FLCN: variants seen among roughly 807,000 people sequenced by gnomAD.
The protein encoded by FLCN is folliculin.
FLCN carries 22 observed loss-of-function variants against 62.5 expected under a neutral mutation model. The observed-to-expected ratio is 0.35, with a 90% CI of 0.25 to 0.50. The LOEUF is 0.50. FLCN is among the 20% of genes least tolerant of loss of function. FLCN has a pLI of 0.97. For missense variants in FLCN, 657 were observed against 778.0 expected (o/e 0.84, Z 1.85); for synonymous variants, 319 against 310.0 (o/e 1.03, Z -0.30).
chr17:17,219,306 T>C, intron 8 of FLCN, 97 bp from the exon 9 acceptor site: 12 of 1,370,528 alleles, frequency 8.8e-6, no homozygotes, highest in Non-Finnish European at 1.2e-5. Flanking sequence ...TCAGTGTAGA[T>C]TCCTGGCTGC....
rs1200225874 is a variant in FLCN at position 17,231,809 on chromosome 17, T to C, written c.-40A>G. 1 of 152,406 alleles carries C rather than the reference T, an allele frequency of 6.6e-6. No homozygotes were observed. The highest frequency in any genetic ancestry group is 2.4e-5 in the African/African-American group (1 of 41,474). 9.4% of individuals were successfully genotyped at this position (152,406 alleles called of 1,614,324 possible). A position where few individuals can be genotyped will look rare whatever the true frequency, so the allele number is the denominator to read the frequency against. On this transcript the variant is annotated 5_prime_UTR_variant, in exon 3 of 14. Transcript: ENST00000285071. ...CACCACCCACCTGACGTTTCTGCAG[T>C]TGGCTGCTTAGCTGCACGAGCTGCT...
chr17:17,217,411 A>G, intron 9 of FLCN: 1 of 588,456 alleles, frequency 1.7e-6, no homozygotes, highest in African/African-American at 1.9e-5. Flanking sequence ...TTGCTCCAAG[A>G]TCTTTCTCCC....
chr17:17,216,364 C>A lies in FLCN; in HGVS notation c.1300+16G>T, dbSNP rs765987161. On this transcript the variant is annotated intron_variant, in intron 11 of 13. Transcript: ENST00000285071. This position sits in a 1 kb window ranked among gnomAD's most constrained non-coding sequence, Gnocchi z 4.0. ...TCAGCGCAGGGCATGGCCCCACAGC[C>A]CGCGGGGGCACGCACCTGAGGAGAG... 1 of 1,613,044 alleles carries A rather than the reference C, an allele frequency of 6.2e-7. No homozygotes were observed. Among genetic ancestry groups the A allele is most frequent in the Non-Finnish European group, 8.5e-7 (1 of 1,179,564 alleles).
chr17:17,213,658 G>C lies in FLCN; in HGVS notation c.1737C>G (p.Asn579Lys), dbSNP rs767345167. The C allele has an allele frequency of 6.2e-7, 1 of 1,614,176 alleles. No homozygotes were observed. Among genetic ancestry groups the C allele is most frequent in the Non-Finnish European group, 8.5e-7 (1 of 1,180,038 alleles). ...TTAGGCAGGTGTGTGTGACGGGTCA[G>C]TTCCGAGACTCCGAGGCTGTGGGGC... ...VRSPTASESR[N>K] Residue 579 changes from asparagine (N) to lysine (K), a missense_variant, in exon 14 of 14, where the codon AAC becomes AAG. Coordinates refer to ENST00000285071, the MANE Select transcript of FLCN (RefSeq NM_144997.7).
Position 17,216,537 on chromosome 17 carries a change from C to T in FLCN, c.1177-34G>A, listed in dbSNP as rs375925448. 40 of 1,612,528 alleles carry T rather than the reference C, an allele frequency of 2.5e-5. No individual in the cohort carries two copies. Among genetic ancestry groups the T allele is most frequent in the South Asian group, 4.4e-5 (4 of 90,988 alleles). Reference sequence around the variant, plus strand: ...GACAGCAGGACTCAGACCAAGGACACGAGGAAGCCCTCAGCCCCGGCCATC... The same window carrying T: ...GACAGCAGGACTCAGACCAAGGACATGAGGAAGCCCTCAGCCCCGGCCATC... On this transcript the variant is annotated intron_variant, in intron 10 of 13. Transcript: ENST00000285071. The surrounding 1 kb of genome is among the most constrained non-coding windows in gnomAD (Gnocchi z 4.0).
At chr17:17,227,309 G>A (rs897408132) in intron 4 of FLCN, among the ~76,000 whole-genome samples, 2 of 152,052 alleles carry the variant, frequency 1.3e-5, no homozygotes, top group Non-Finnish European at 2.9e-5. Flanking sequence ...GGGGTCCTGG[G>A]AGCAGGAAAC....
Position 17,221,530 on chromosome 17 carries a change from G to T in FLCN, c.871+7C>A, listed in dbSNP as rs2047088360. On this transcript the variant is annotated splice_region_variant and intron_variant, in intron 8 of 13. Transcript: ENST00000285071. ...CCAAGGCCCCGGCAACAGCACCCCT[G>T]CCTCACCAGCGAGCTTCTCCATCTG... The T allele has an allele frequency of 6.2e-7, 1 of 1,613,500 alleles. No individual in the cohort carries two copies. Among genetic ancestry groups the T allele is most frequent in the Non-Finnish European group, 8.5e-7 (1 of 1,180,022 alleles).
rs1060504594 is a variant in FLCN, at chr17:17,219,130, T to G, written c.951A>C (p.Thr317=). Residue 317 remains threonine, a synonymous_variant, in exon 9 of 14, where the codon ACA becomes ACC. Transcript: ENST00000285071. ...GGCCCTGGGTCAGCTCCCGCCCTTCTGTACTCTCTGGCAACACAGGGGCTT... is the reference window on the plus strand; with the variant it reads ...GGCCCTGGGTCAGCTCCCGCCCTTCGGTACTCTCTGGCAACACAGGGGCTT... ...EEKAPVLPES[T]EGRELTQGPA... 9 of 1,614,222 alleles carry G rather than the reference T, an allele frequency of 5.6e-6. No homozygotes were observed. The highest frequency in any genetic ancestry group is 1.3e-5 in the African/African-American group (1 of 75,068).
upstream of FLCN, chr17:17,237,177 G>C (rs1041554486): frequency 1.3e-5 from 2 of 152,270 alleles, no homozygotes; most frequent in African/African-American, 2.4e-5. Flanking sequence ...CCGACACCCA[G>C]GCGCGTGACT....
At chr17:17,229,344 G>A (rs765764511) in intron 3 of FLCN, 4 of 152,282 alleles carry the variant, frequency 2.6e-5, no homozygotes, top group African/African-American at 4.8e-5. Flanking sequence ...AGCAAGGTGG[G>A]ACTGGAATGT....
intron 6 of FLCN, 111 bp from the exon 7 acceptor site, chr17:17,222,772 C>CT: frequency 7.9e-7 from 1 of 1,263,930 alleles, no homozygotes; most frequent in East Asian, 2.4e-5. Context: ...ATCAGTCCCA[C>CT]TATACTCTCT....
chr17:17,227,887 G>A lies in FLCN; in HGVS notation c.249+2C>T, dbSNP rs939223011. The A allele has an allele frequency of 3.7e-6, 6 of 1,613,986 alleles. No homozygotes were observed. In the Admixed American group the frequency reaches 6.7e-5, roughly 18 times the overall value. ...CAAAACCAAGACCCCAAAGACACTT[G>A]CCTCGCACATGTCCGACTTTTTGGG... is the stretch of plus-strand genomic sequence containing the variant. On this transcript the variant is annotated splice_donor_variant, in intron 4 of 13. Transcript: ENST00000285071. LOFTEE classifies it low-confidence loss of function (GC_TO_GT_DONOR).
chr17:17,221,617 G>A lies in FLCN; in HGVS notation c.791C>T (p.Ala264Val), dbSNP rs372304384. 28 of 1,607,828 alleles carry A rather than the reference G, an allele frequency of 1.7e-5. No individual in the cohort carries two copies. Among genetic ancestry groups the A allele is most frequent in the South Asian group, 4.4e-5 (4 of 91,080 alleles). ...CTTCTCGGTCAGCCGGCTGCCACAC[G>A]CCTTCAGGAGCCTGGAGAACACAGC... is the stretch of plus-strand genomic sequence containing the variant. Reference protein sequence around the residue: ...LHTSFAWLLKACGSRLTEKLL... With the variant: ...LHTSFAWLLKVCGSRLTEKLL... Residue 264 changes from alanine to valine, a missense_variant, in exon 8 of 14, where the codon GCG becomes GTG. By Grantham distance (64) the Ala-to-Val change is moderately conservative. Transcript: ENST00000285071.
Position 17,226,404 on chromosome 17 carries a change from G to A in FLCN, c.250-82C>T, listed in dbSNP as rs549396296. On this transcript the variant is annotated intron_variant, in intron 4 of 13. Transcript: ENST00000285071. ...CTTAGGTTTATGCAAATCTGAGCTC[G>A]GAAAACTCAAGCTATTTTTGTAAAA... 52 of 1,543,700 alleles carry A rather than the reference G, an allele frequency of 3.4e-5. No homozygotes were observed. In the Admixed American group the frequency reaches 5.2e-4, roughly 15 times the overall value.
intron 3 of FLCN, among the ~76,000 whole-genome samples, chr17:17,230,609 C>T (rs1020135748): frequency 1.3e-5 from 2 of 151,976 alleles, no homozygotes; most frequent in Non-Finnish European, 2.9e-5. Context: ...ACCTATAAAC[C>T]CAGCTACTTG....
intron 5 of FLCN, chr17:17,225,881 A>T: frequency 2.1e-6 from 1 of 483,340 alleles, no homozygotes; most frequent in East Asian, 4.1e-5. Flanking sequence ...ACCCTGACAC[A>T]AAAGAAGGAA....
chr17:17,230,653 G>A (rs1272186413), intron 3 of FLCN, among the ~76,000 whole-genome samples: 2 of 151,894 alleles, frequency 1.3e-5, no homozygotes, highest in Non-Finnish European at 2.9e-5. Flanking sequence ...TTGAACCTGG[G>A]AGGCGGAGGT....
At chr17:17,228,289 G>A (rs2047321177) in intron 3 of FLCN, 128 bp from the exon 4 acceptor site, 1 of 1,161,028 alleles carries the variant, frequency 8.6e-7, no homozygotes, top group Non-Finnish European at 1.2e-6. Flanking sequence ...CCACCCGCCA[G>A]TTCCCCAGCC....
In FLCN at chr17:17,217,050, A is replaced by C; in HGVS notation, c.1176+19T>G. 1 of 1,565,926 alleles carries C rather than the reference A, an allele frequency of 6.4e-7. No homozygotes were observed. Among genetic ancestry groups the C allele is most frequent in the African/African-American group, 1.4e-5 (1 of 74,034 alleles). On this transcript the variant is annotated intron_variant, in intron 10 of 13. Coordinates refer to ENST00000285071, the MANE Select transcript of FLCN (RefSeq NM_144997.7). ...CAATACTGCCCTGCGCCGCACACCT[A>C]AGGAAAAGATGTTCTCACCCGAAGT...
Sources: gnomAD v4.1 joint callset for allele counts (sites outside exome capture counted in the v4.1 genomes callset) on GRCh38, gnomAD v4.1.1 for gene constraint, Gnocchi (gnomAD v3.1) non-coding constraint, MANE v1.5 for transcripts, NCBI Gene and HGNC (gene_info 2026-07-23, HGNC 2026-07-21) for gene names.